The following NAALADL2 variants were observed in gnomAD, a reference collection of about 807,000 sequenced individuals.
NAALADL2 encodes N-acetylated alpha-linked acidic dipeptidase like 2.
A neutral mutation model predicts 87.2 loss-of-function variants in NAALADL2; 76 were observed. The ratio of observed to expected loss-of-function variants is 0.87; its 90% CI spans 0.72 to 1.05. The LOEUF (loss-of-function observed/expected upper bound fraction) is 1.05, where lower values mean the gene tolerates loss of function less well. Ranked by LOEUF, NAALADL2 falls within the 50% of genes least tolerant of loss-of-function variation. The probability of loss-of-function intolerance (pLI) is 0.00; values close to 1 mark genes in which losing one functional copy is unlikely to be tolerated. For missense variants in NAALADL2, 1,089 were observed against 945.8 expected, an observed-to-expected ratio of 1.15 and a Z score of -1.99; for synonymous variants, 354 against 331.0, an observed-to-expected ratio of 1.07 and a Z score of -0.75.
In NAALADL2 at chr3:175,289,234, T is replaced by A. The variant is rs1755349820; in HGVS notation, c.939+32704T>A. Among the ~76,000 whole-genome samples, 4 of 152,116 alleles carry A rather than the reference T, an allele frequency of 2.6e-5. No homozygotes were observed. The South Asian group carries it at 8.3e-4, about 31-fold the overall frequency. ...TCTGTGAAATTTTAGATTTTAAGGA[T>A]CAAGCAGACATTCTATTAAGGTTTA... is the stretch of plus-strand genomic sequence containing the variant. On this transcript the variant is annotated intron_variant, in intron 4 of 13. Coordinates refer to ENST00000454872, the MANE Select transcript of NAALADL2 (RefSeq NM_207015.3).
chr3:174,442,809 T>G (rs1268408923), intron 1 of NAALADL2, among the ~76,000 whole-genome samples: 1 of 152,028 alleles, frequency 6.6e-6, no homozygotes, highest in Non-Finnish European at 1.5e-5. Flanking sequence ...AGAGTGTGTG[T>G]TTAGTAATTT....
intron 2 of NAALADL2, among the ~76,000 whole-genome samples, chr3:174,675,013 A>C (rs1407738558): frequency 6.6e-6 from 1 of 152,166 alleles, no homozygotes; most frequent in South Asian, 2.1e-4. Flanking sequence ...GAACGCCACT[A>C]GTTTTCAAGA....
intron 1 of NAALADL2, among the ~76,000 whole-genome samples, chr3:175,014,173 A>G (rs1422937362): frequency 6.6e-6 from 1 of 151,736 alleles, no homozygotes; most frequent in South Asian, 2.1e-4. Context: ...TATTCTTCCT[A>G]CTGCTCCTCA....
intron 1 of NAALADL2, among the ~76,000 whole-genome samples, chr3:174,915,003 ATACTACAGTTTAATTC>A (rs1560358447): frequency 6.6e-6 from 1 of 152,212 alleles, no homozygotes; most frequent in African/African-American, 2.4e-5. Flanking sequence ...TTAAAAAGTT[ATACTACAGTTTAATTC>A]TACAAAGTCT....
intron 1 of NAALADL2, among the ~76,000 whole-genome samples, chr3:174,985,891 G>A (rs978110969): frequency 5.9e-5 from 9 of 152,192 alleles, no homozygotes; most frequent in Non-Finnish European, 1.3e-4. Context: ...GGCGGAGGTT[G>A]TGATGAGCTG....
chr3:174,479,145 T>C (rs2203475), intron 1 of NAALADL2, among the ~76,000 whole-genome samples: 69,982 of 152,024 alleles, frequency 0.46, 17,638 homozygotes, highest in East Asian at 0.92. Context: ...TTCGTCATCT[T>C]ATAGTCATAT....
At chr3:174,674,325 A>G (rs498224) in intron 2 of NAALADL2, among the ~76,000 whole-genome samples, 98,071 of 151,794 alleles carry the variant, frequency 0.65, 32,268 homozygotes, top group Admixed American at 0.72. Flanking sequence ...TGTAGATTAC[A>G]CTTCAACTTG....
chr3:175,413,302 T>C (rs1340403911), intron 5 of NAALADL2, among the ~76,000 whole-genome samples: 2 of 150,494 alleles, frequency 1.3e-5, no homozygotes. Context: ...CCGAGCGCGG[T>C]GGCTCATGCC....
chr3:174,642,769 TATATATATATATATATATATG>T (rs1723370517), intron 2 of NAALADL2, among the ~76,000 whole-genome samples: 666 of 36,466 alleles, frequency 0.018, 8 homozygotes, highest in African/African-American at 0.11. Context: ...TATATATATA[TATATATATATATATATATATG>T]TTTTTTTTCA....
intron 3 of NAALADL2, among the ~76,000 whole-genome samples, chr3:174,806,937 A>G (rs1380181905): frequency 6.6e-6 from 1 of 152,172 alleles, no homozygotes; most frequent in Non-Finnish European, 1.5e-5. Flanking sequence ...GAGAAACATC[A>G]TTGTCCTTAG....
chr3:174,882,700 C>G (rs1729486162), intron 1 of NAALADL2, among the ~76,000 whole-genome samples: 1 of 130,620 alleles, frequency 7.7e-6, no homozygotes, highest in Non-Finnish European at 1.5e-5. Flanking sequence ...CGTGTATATA[C>G]ATGTGTATCT....
intron 2 of NAALADL2, among the ~76,000 whole-genome samples, chr3:174,621,642 A>G (rs1481182907): frequency 6.6e-6 from 1 of 152,132 alleles, no homozygotes; most frequent in Non-Finnish European, 1.5e-5. Flanking sequence ...TGTTTCTGCC[A>G]TTTATTTAGA....
At chr3:174,592,869 T>C (rs1219102381) in intron 2 of NAALADL2, among the ~76,000 whole-genome samples, 1 of 151,984 alleles carries the variant, frequency 6.6e-6, no homozygotes, top group Non-Finnish European at 1.5e-5. Flanking sequence ...TTGAATTTAA[T>C]GTGTTGAAGT....
At chr3:174,709,991 T>C (rs1337776165) in intron 2 of NAALADL2, among the ~76,000 whole-genome samples, 2 of 152,204 alleles carry the variant, frequency 1.3e-5, no homozygotes, top group Non-Finnish European at 2.9e-5. Flanking sequence ...TAGCAGAGAA[T>C]GTGATTCACA....
chr3:175,236,865 C>T (rs969203342), intron 3 of NAALADL2, among the ~76,000 whole-genome samples: 5 of 152,120 alleles, frequency 3.3e-5, no homozygotes, highest in Non-Finnish European at 7.4e-5. Flanking sequence ...CCCTTTTATT[C>T]TAACAGATGA....
intron 1 of NAALADL2, among the ~76,000 whole-genome samples, chr3:175,031,599 T>C (rs1430344664): frequency 6.6e-6 from 1 of 152,104 alleles, no homozygotes; most frequent in African/African-American, 2.4e-5. Context: ...TGTTTCTTTT[T>C]GGTAGAACGA....
intron 1 of NAALADL2, among the ~76,000 whole-genome samples, chr3:175,036,196 G>A (rs1489132798): frequency 3.3e-5 from 5 of 151,938 alleles, no homozygotes; most frequent in Admixed American, 1.3e-4. Flanking sequence ...TATTAACTTC[G>A]TTTATCTTTT....
rs540597958 is a variant in NAALADL2 at position 174,723,699 on chromosome 3, T to A, written c.-114-13942T>A. On this transcript the variant is annotated intron_variant, in intron 2 of 3. Transcript: ENST00000434257. Reference sequence around the variant, plus strand: ...TGAAACTGGGAGGCGGAGCTCGCAGTGAGCAGAGACTGCGCCACTGCACTC... The same window carrying A: ...TGAAACTGGGAGGCGGAGCTCGCAGAGAGCAGAGACTGCGCCACTGCACTC... Among the ~76,000 whole-genome samples, 597 of 125,646 alleles carry A rather than the reference T, an allele frequency of 4.8e-3. 5 individuals carry two copies. Among genetic ancestry groups the A allele is most frequent in the African/African-American group, 0.017 (549 of 32,438 alleles). 82.4% of individuals were successfully genotyped at this position (125,646 alleles called of 152,430 possible).
At chr3:175,272,477 C>T (rs193243337) in intron 4 of NAALADL2, among the ~76,000 whole-genome samples, 1 of 152,072 alleles carries the variant, frequency 6.6e-6, no homozygotes, top group African/African-American at 2.4e-5. Context: ...TTACCATAGA[C>T]CCTGATTTCT....
Sources: gnomAD v4.1 joint callset for allele counts (sites outside exome capture counted in the v4.1 genomes callset) on GRCh38, gnomAD v4.1.1 for gene constraint, MANE v1.5 for transcripts, NCBI Gene and HGNC (gene_info 2026-07-23, HGNC 2026-07-21) for gene names.